Variants in BCOR observed in about 807,000 individuals in gnomAD.
The protein encoded by BCOR is BCL-6 corepressor.
BCOR carries 10 observed loss-of-function variants against 86.7 expected under a neutral mutation model. The ratio of observed to expected loss-of-function variants is 0.12; its 90% confidence interval spans 0.07 to 0.20. The LOEUF is 0.20. Ranked by LOEUF, BCOR falls within the 10% of genes least tolerant of loss-of-function variation. BCOR has a pLI of 1.00. For synonymous variants in BCOR, 611 were observed against 609.0 expected (o/e 1.00, Z -0.05); for missense variants, 1,259 against 1,452.1 (o/e 0.87, Z 2.16).
At chrX:40,099,502 CAT>C (rs1225116289), upstream of BCOR, among the ~76,000 whole-genome samples, 3 of 112,172 alleles carry the variant, frequency 2.7e-5, no homozygotes, top group Non-Finnish European at 5.6e-5. Flanking sequence ...CTCCATGAAA[CAT>C]AAATCTGAAA....
chrX:40,090,315 GA>G (rs1376797030), intron 1 of BCOR, among the ~76,000 whole-genome samples: 2 of 113,503 alleles, frequency 1.8e-5, no homozygotes, highest in East Asian at 5.6e-4. Context: ...CTAGCCAGCC[GA>G]GCACGCCCCC....
At chrX:40,112,206 G>GT (rs1937323738) in intron 1 of BCOR, among the ~76,000 whole-genome samples, 1 of 111,125 alleles carries the variant, frequency 9.0e-6, no homozygotes, top group South Asian at 3.8e-4. Context: ...TGCTCTACCA[G>GT]TTGCCTTGGG....
At chrX:40,084,671 T>C (rs1361018348) in intron 1 of BCOR, among the ~76,000 whole-genome samples, 1 of 110,254 alleles carries the variant, frequency 9.1e-6, no homozygotes, top group Non-Finnish European at 1.9e-5. Context: ...ACCAGGGCTT[T>C]GTAGGAGTAA....
At chrX:40,124,274 C>T (rs1937519123) in intron 1 of BCOR, among the ~76,000 whole-genome samples, 1 of 108,395 alleles carries the variant, frequency 9.2e-6, no homozygotes, top group African/African-American at 3.5e-5. Context: ...TCTCTATATA[C>T]ATTTTTTTTT....
At chrX:40,056,072 G>A (rs1001620443) in intron 11 of BCOR, among the ~76,000 whole-genome samples, 1 of 109,193 alleles carries the variant, frequency 9.2e-6, no homozygotes, top group Admixed American at 9.8e-5. Context: ...CTCCTGCCTC[G>A]GCCTCCAAAA....
intron 1 of BCOR, among the ~76,000 whole-genome samples, chrX:40,083,208 A>C (rs1936187961): frequency 9.0e-6 from 1 of 110,806 alleles, no homozygotes; most frequent in South Asian, 3.9e-4. Flanking sequence ...GGAGAGTAAG[A>C]TACCCCAAGG....
intron 1 of BCOR, among the ~76,000 whole-genome samples, chrX:40,129,858 T>C (rs777425386): frequency 9.1e-6 from 1 of 110,239 alleles, no homozygotes; most frequent in Admixed American, 9.7e-5. Context: ...CTGGACAACA[T>C]GACGAAACCC....
chrX:40,153,097 G>A (rs1274551603), intron 1 of BCOR, among the ~76,000 whole-genome samples: 3 of 113,382 alleles, frequency 2.6e-5, no homozygotes, highest in Non-Finnish European at 5.6e-5. Flanking sequence ...CCCTGCCCAG[G>A]ACCGCGGAGC....
upstream of BCOR, among the ~76,000 whole-genome samples, chrX:40,101,333 A>G (rs1041871584): frequency 3.6e-5 from 4 of 111,546 alleles, no homozygotes; most frequent in African/African-American, 3.3e-5. Context: ...AGCACTCAGC[A>G]AGGGGAGGAT....
intron 1 of BCOR, among the ~76,000 whole-genome samples, chrX:40,159,603 GC>G (rs1315795740): frequency 8.9e-6 from 1 of 112,261 alleles, no homozygotes; most frequent in African/African-American, 3.2e-5. Context: ...ACCCGCCTCG[GC>G]CTCCCAAATT....
intron 1 of BCOR, among the ~76,000 whole-genome samples, chrX:40,084,222 C>A (rs1221416521): frequency 1.8e-5 from 2 of 112,240 alleles, no homozygotes; most frequent in Non-Finnish European, 1.9e-5. Context: ...GGATTGTCCG[C>A]TACACTCCCC....
chrX:40,109,343 G>C (rs1242598558), intron 1 of BCOR, among the ~76,000 whole-genome samples: 1 of 111,048 alleles, frequency 9.0e-6, no homozygotes, highest in African/African-American at 3.3e-5. Flanking sequence ...CCACTTGTCA[G>C]GTCAAGGGCA....
At chrX:40,176,954 C>T (rs1224904926) in intron 1 of BCOR, 5 of 110,185 alleles carry the variant, frequency 4.5e-5, no homozygotes, top group African/African-American at 1.7e-4. Context: ...CTGCTCCCCA[C>T]CCCACCCCAC....
At chrX:40,053,808 T>TGCTCAAAGCGCATTTC in intron 14 of BCOR, 78 bp downstream of exon 14, 1 of 1,129,435 alleles carries the variant, frequency 8.9e-7, no homozygotes, top group Non-Finnish European at 1.2e-6. Flanking sequence ...CACCCTCATC[T>TGCTCAAAGCGCATTTC]GCTCAAAGCG....
At chrX:40,161,507 T>C (rs1329016681) in intron 1 of BCOR, among the ~76,000 whole-genome samples, 71 of 50,780 alleles carry the variant, frequency 1.4e-3, no homozygotes, top group African/African-American at 6.6e-3. Flanking sequence ...GATTCTCCCC[T>C]TTTTTTTTTT....
chrX:40,114,571 G>C (rs190313013), intron 1 of BCOR, among the ~76,000 whole-genome samples: 153 of 111,682 alleles, frequency 1.4e-3, no homozygotes, highest in Non-Finnish European at 2.3e-3. Context: ...CTTTCTCCTT[G>C]AGACCCTAAG....
At position 40,174,859 on chromosome X, in the gene BCOR, T is replaced by C. The variant is rs757718873; in HGVS notation, c.-41+2148A>G. On this transcript the variant is annotated intron_variant, in intron 1 of 14. Coordinates refer to the BCOR transcript ENST00000342274. ...CCACAGTTTCTCACAGTATTTCTAA[T>C]TGATTCAACGTGTATTAGATTGAAA... Among the ~76,000 whole-genome samples, 3 of 113,148 alleles carry C rather than the reference T, an allele frequency of 2.7e-5. No homozygotes were observed. The Admixed American group carries it at 2.8e-4, about 10-fold the overall frequency.
At chrX:40,146,592 G>A (rs539625139) in intron 1 of BCOR, 1 of 112,625 alleles carries the variant, frequency 8.9e-6, no homozygotes, top group South Asian at 3.6e-4. Flanking sequence ...CAATGGCAGC[G>A]ATCAGCAGCT....
At chrX:40,113,178 CTTATTTATTTAT>C (rs57583546) in intron 1 of BCOR, among the ~76,000 whole-genome samples, 9,714 of 101,443 alleles carry the variant, frequency 0.096, 947 homozygotes, top group African/African-American at 0.28. Flanking sequence ...CTAGAAAGAT[CTTATTTATTTAT>C]TTATTTATTT....
Sources: allele counts gnomAD v4.1 joint callset (sites outside exome capture counted in the v4.1 genomes callset), GRCh38; gene constraint gnomAD v4.1.1; transcripts MANE v1.5; gene names NCBI Gene and HGNC (gene_info 2026-07-23, HGNC 2026-07-21).